Variants in ZNF254 observed in about 807,000 individuals in gnomAD.
The protein encoded by ZNF254 is CTD-2017D11.1.
In ZNF254, 10 loss-of-function variants were observed where a neutral mutation model predicts 12.4. The ratio of observed to expected loss-of-function variants is 0.80; its 90% confidence interval spans 0.50 to 1.36. The LOEUF is 1.36. Among genes scored for constraint, ZNF254 ranks in the 40% most tolerant of loss-of-function variants. The pLI, the probability that ZNF254 is intolerant of heterozygous loss-of-function variation, is 0.00. For missense variants in ZNF254, 996 were observed against 763.9 expected, an observed-to-expected ratio of 1.30 and a Z score of -3.58; for synonymous variants, 305 against 253.4, an observed-to-expected ratio of 1.20 and a Z score of -1.93.
chr19:24,098,509 A>C (rs897872906), intron 1 of ZNF254: 4 of 152,202 alleles, frequency 2.6e-5, no homozygotes, highest in African/African-American at 7.2e-5. Context: ...GAGATGAATA[A>C]AAACTTTTAA....
At chr19:24,104,982 A>T (rs1175677668) in intron 1 of ZNF254, 1 of 152,216 alleles carries the variant, frequency 6.6e-6, no homozygotes, top group Non-Finnish European at 1.5e-5. Context: ...ACAGAACATG[A>T]AAGATATCTG....
At chr19:24,054,851 A>G (rs1047775810) in intron 2 of ZNF254, among the ~76,000 whole-genome samples, 2 of 152,270 alleles carry the variant, frequency 1.3e-5, no homozygotes, top group Admixed American at 1.3e-4. Flanking sequence ...ATGGGTGCTT[A>G]CAAACATGAT....
intron 2 of ZNF254, among the ~76,000 whole-genome samples, chr19:24,081,098 T>C (rs533861469): frequency 1.7e-4 from 26 of 151,774 alleles, no homozygotes; most frequent in African/African-American, 6.3e-4. Context: ...AAAAAGAATA[T>C]TAACTTTCTT....
Position 24,068,247 on chromosome 19 carries a change from A to G in ZNF254, c.-94+21968A>G, listed in dbSNP as rs576099930. Among the ~76,000 whole-genome samples the G allele has an allele frequency of 5.9e-5, 9 of 151,396 alleles. No homozygotes were observed. In the South Asian group the frequency reaches 1.7e-3, roughly 28 times the overall value. On this transcript the variant is annotated intron_variant, in intron 2 of 4. Coordinates refer to the ZNF254 transcript ENST00000613065. ...GGGTGTTGCTCACAGAGAGCGTTGTAACATATCACTGGGCCCAGCACACAG... is the reference window on the plus strand; with the variant it reads ...GGGTGTTGCTCACAGAGAGCGTTGTGACATATCACTGGGCCCAGCACACAG...
At chr19:24,050,848 G>A (rs1263940264) in intron 2 of ZNF254, among the ~76,000 whole-genome samples, 2 of 150,940 alleles carry the variant, frequency 1.3e-5, no homozygotes, top group Non-Finnish European at 3.0e-5. Context: ...ACAGGCATGC[G>A]CCACCACACC....
At chr19:24,114,123 A>G (rs1298042762) in intron 3 of ZNF254, among the ~76,000 whole-genome samples, 5 of 152,146 alleles carry the variant, frequency 3.3e-5, no homozygotes, top group South Asian at 2.1e-4. Flanking sequence ...TATAGATTCA[A>G]TGCCATCCCC....
chr19:24,128,695 C>T lies in ZNF254; in HGVS notation c.*715C>T, dbSNP rs1222167403. On this transcript the variant is annotated 3_prime_UTR_variant, in exon 4 of 4. Transcript: ENST00000357002. Reference sequence around the variant, plus strand: ...AGATACATTAAATATGAAAGATATTCAATCCAAAATTAAGTCTATGTAAAT... The same window carrying T: ...AGATACATTAAATATGAAAGATATTTAATCCAAAATTAAGTCTATGTAAAT... The T allele has an allele frequency of 1.3e-5, 2 of 151,948 alleles. No individual in the cohort carries two copies. The highest frequency in any genetic ancestry group is 4.8e-5 in the African/African-American group (2 of 41,410). The allele number at this position is 151,948 out of a possible 1,614,324, so 9.4% of individuals were successfully genotyped here.
rs372187532 is a variant in ZNF254 at position 24,126,424 on chromosome 19, C to A, written c.424C>A (p.Leu142Ile). The A allele has an allele frequency of 6.2e-7, 1 of 1,601,110 alleles. No homozygotes were observed. The highest frequency in any genetic ancestry group is 8.5e-7 in the Non-Finnish European group (1 of 1,176,284). Reference sequence around the variant, plus strand: ...GGTGAACAAAGAAGGTTATAATGGACTTAACCAGTGTTTCACAACTGCCCA... The same window carrying A: ...GGTGAACAAAGAAGGTTATAATGGAATTAACCAGTGTTTCACAACTGCCCA... ...YKVNKEGYNG[L>I]NQCFTTAQSK... Residue 142 changes from leucine (L) to isoleucine (I), a missense_variant, in exon 4 of 4, where the codon CTT (leucine) becomes ATT (isoleucine). Leu to Ile is a conservative substitution (Grantham distance 5, BLOSUM62 2). Transcript: ENST00000357002.
chr19:24,063,443 C>T (rs1971150898), intron 2 of ZNF254, among the ~76,000 whole-genome samples: 1 of 152,292 alleles, frequency 6.6e-6, no homozygotes, highest in Non-Finnish European at 1.5e-5. Context: ...TGGTGTGAGT[C>T]GGCTCTTCTG....
At chr19:24,067,716 T>A (rs1971328832) in intron 2 of ZNF254, among the ~76,000 whole-genome samples, 1 of 151,558 alleles carries the variant, frequency 6.6e-6, no homozygotes, top group Non-Finnish European at 1.5e-5. Flanking sequence ...CTGCTTGGAC[T>A]CTGACCAAAA....
In ZNF254 at chr19:24,128,332, A is replaced by C. The variant is rs755725081; in HGVS notation, c.*352A>C. On this transcript the variant is annotated 3_prime_UTR_variant, in exon 4 of 4. Transcript: ENST00000357002. ...AAAAAATCCATTAACACCTGCTCAC[A>C]TCTTACTCAAAATTGTAGAGTTCAT... 1.5e-4 allele frequency: 29 copies of C among 195,666 alleles called. No homozygotes were observed. The highest frequency in any genetic ancestry group is 2.8e-4 in the Non-Finnish European group (27 of 97,732). 12.1% of individuals were successfully genotyped at this position (195,666 alleles called of 1,614,324 possible). A position where few individuals can be genotyped will look rare whatever the true frequency, so the allele number is the denominator to read the frequency against.
intron 2 of ZNF254, chr19:24,065,952 A>G (rs1055031711): frequency 2.6e-5 from 4 of 151,766 alleles, no homozygotes; most frequent in Admixed American, 2.6e-4. Context: ...CTCCTGCCTG[A>G]TCTCTGCTCA....
intron 1 of ZNF254, among the ~76,000 whole-genome samples, chr19:24,093,439 A>G (rs1972508622): frequency 6.6e-6 from 1 of 152,174 alleles, no homozygotes; most frequent in Admixed American, 6.6e-5. Context: ...TAAACATTTC[A>G]GTCTTTAATC....
At chr19:24,095,142 G>A (rs1972601842) in intron 1 of ZNF254, among the ~76,000 whole-genome samples, 1 of 152,168 alleles carries the variant, frequency 6.6e-6, no homozygotes, top group African/African-American at 2.4e-5. Context: ...ATCTATTGTG[G>A]TAATCTTGTG....
intron 2 of ZNF254, among the ~76,000 whole-genome samples, chr19:24,063,353 T>C (rs935413119): frequency 6.6e-6 from 1 of 152,206 alleles, no homozygotes; most frequent in African/African-American, 2.4e-5. Flanking sequence ...ACCGGGCCCA[T>C]ACCCTTGGTA....
Position 24,129,788 on chromosome 19 carries a change from T to A in ZNF254, c.*1808T>A, listed in dbSNP as rs940838846. The A allele has an allele frequency of 5.9e-5, 9 of 151,964 alleles. No individual in the cohort carries two copies. The highest frequency in any genetic ancestry group is 9.7e-5 in the African/African-American group (4 of 41,438). The allele number at this position is 151,964 out of a possible 1,614,324, so 9.4% of individuals were successfully genotyped here. A position where few individuals can be genotyped will look rare whatever the true frequency, so the allele number is the denominator to read the frequency against. On this transcript the variant is annotated 3_prime_UTR_variant, in exon 4 of 4. Transcript: ENST00000357002. ...TCATTTTTATGGTCATAATAAAAAATTTTATACAAACGTGTAAAATCTATA... is the reference window on the plus strand; with the variant it reads ...TCATTTTTATGGTCATAATAAAAAAATTTATACAAACGTGTAAAATCTATA...
intron 2 of ZNF254, chr19:24,079,208 A>G (rs745967245): frequency 2.6e-5 from 4 of 152,216 alleles, no homozygotes; most frequent in Non-Finnish European, 5.9e-5. Context: ...AGAGTTGGAC[A>G]TACAAGATGA....
chr19:24,055,699 GA>G (rs1369621558), intron 2 of ZNF254, among the ~76,000 whole-genome samples: 1 of 152,108 alleles, frequency 6.6e-6, no homozygotes, highest in Non-Finnish European at 1.5e-5. Context: ...TGGAAAAATT[GA>G]CTCTTATATA....
chr19:24,062,221 T>C (rs974933785), intron 2 of ZNF254, among the ~76,000 whole-genome samples: 1 of 152,138 alleles, frequency 6.6e-6, no homozygotes, highest in Non-Finnish European at 1.5e-5. Flanking sequence ...TTCTGTACCA[T>C]AGGACCCAGC....
Sources: gnomAD v4.1 joint callset for allele counts (sites outside exome capture counted in the v4.1 genomes callset) on GRCh38, gnomAD v4.1.1 for gene constraint, MANE v1.5 for transcripts, NCBI Gene and HGNC (gene_info 2026-07-23, HGNC 2026-07-21) for gene names.